XPO1: variants seen among roughly 807,000 people sequenced by gnomAD.
XPO1 encodes exportin 1.
Under a neutral mutation model 133.3 loss-of-function variants are expected in XPO1, and 5 were observed. That is an observed-to-expected ratio of 0.04 (90% CI 0.02 to 0.08). The LOEUF (loss-of-function observed/expected upper bound fraction) is 0.08. XPO1 is among the 10% of genes least tolerant of loss of function. The pLI, the probability that XPO1 is intolerant of heterozygous loss-of-function variation, is 1.00. For missense variants in XPO1, 506 were observed against 1,267.5 expected (o/e 0.40, Z 9.12); for synonymous variants, 419 against 408.2 (o/e 1.03, Z -0.32).
At chr2:61,496,322 T>C (rs1189895767) in intron 10 of XPO1, among the ~76,000 whole-genome samples, 3 of 152,154 alleles carry the variant, frequency 2.0e-5, no homozygotes, top group African/African-American at 4.8e-5. Context: ...AGCGATCCTA[T>C]TGCCTCAGCC....
chr2:61,518,668 C>T lies in XPO1; in HGVS notation c.301+3943G>A, dbSNP rs187462181. ...CAAAAAAAAACCAAAGAAAAAAAGA[C>T]ACTCTGAGCCCCAATATCAAGGAGC... On this transcript the variant is annotated intron_variant, in intron 4 of 24. Coordinates refer to ENST00000401558, the MANE Select transcript of XPO1 (RefSeq NM_003400.4). Among the ~76,000 whole-genome samples, 79 of 151,920 alleles carry T rather than the reference C, an allele frequency of 5.2e-4. No individual in the cohort carries two copies. The East Asian group carries it at 0.013, about 25-fold the overall frequency.
chr2:61,483,672 C>G (rs1283384025), intron 21 of XPO1: 2 of 336,790 alleles, frequency 5.9e-6, no homozygotes, highest in African/African-American at 2.2e-5. Flanking sequence ...ATATGAACTT[C>G]TACAACATCA....
intron 4 of XPO1, among the ~76,000 whole-genome samples, chr2:61,509,396 G>A (rs982250278): frequency 1.3e-5 from 2 of 152,102 alleles, no homozygotes; most frequent in African/African-American, 4.8e-5. Context: ...CCAACACAAG[G>A]CGGGCGGCTC....
chr2:61,488,552 TTATACTGCATTGTGTAAGAAATCAGAA>T lies in XPO1; in HGVS notation c.2206+9_2206+35del. The T allele has an allele frequency of 6.3e-7, 1 of 1,589,540 alleles. No individual in the cohort carries two copies. Among genetic ancestry groups the T allele is most frequent in the Non-Finnish European group, 8.6e-7 (1 of 1,166,106 alleles). On this transcript the variant is annotated intron_variant, in intron 18 of 24. Transcript: ENST00000401558. The stretch of plus-strand genomic sequence containing the variant: ...AGGCAGTAGAAGAGAAGTGGTTTGT[TTATACTGCATTGTGTAAGAAATCAGAA>T]TCACCTACCATTAGCTTGGATAGCT...
intron 19 of XPO1, among the ~76,000 whole-genome samples, chr2:61,487,761 T>G (rs1325762964): frequency 1.3e-5 from 2 of 152,184 alleles, no homozygotes; most frequent in African/African-American, 4.8e-5. Flanking sequence ...AAAAAGACTT[T>G]CAGGCCTTTA....
In XPO1 at chr2:61,499,822, C is replaced by T; in HGVS notation, c.481G>A (p.Glu161Lys). ...ACCATATTATTTTGACAGAGACTTTCGCTGGTCCTACTTGCTCCAACAATA... is the reference window on the plus strand; with the variant it reads ...ACCATATTATTTTGACAGAGACTTTTGCTGGTCCTACTTGCTCCAACAATA... ...SDIVGASRTS[E>K]SLCQNNMVIL... Residue 161 changes from glutamate (E) to lysine (K), a missense_variant, in exon 7 of 25, where the codon GAA becomes AAA. Around this residue, in one of 6 missense-constraint regions of XPO1, gnomAD observed 68 missense variants for 210.5 expected, o/e 0.32. Transcript: ENST00000401558. The T allele has an allele frequency of 6.2e-7, 1 of 1,613,282 alleles. No individual in the cohort carries two copies. Among genetic ancestry groups the T allele is most frequent in the Non-Finnish European group, 8.5e-7 (1 of 1,179,842 alleles).
At chr2:61,523,247 T>C (rs531470516) in intron 3 of XPO1, among the ~76,000 whole-genome samples, 1 of 152,230 alleles carries the variant, frequency 6.6e-6, no homozygotes, top group Non-Finnish European at 1.5e-5. Flanking sequence ...ACCCCACCCT[T>C]ATAGTTGCTA....
rs1491506588 is a variant in XPO1 at position 61,482,033 on chromosome 2, C to CTTTTTTTTTTTTT, written c.2972+346_2972+347insAAAAAAAAAAAAA. ...TACAGTCATGAGCCACCGTGCGTGG[C>CTTTTTTTTTTTTT]CTTTTTTTTTTTTTTTTTTTTTTTG... On this transcript the variant is annotated intron_variant, in intron 23 of 24. Transcript: ENST00000401558. 4.6e-3 allele frequency among the ~76,000 whole-genome samples: 395 copies of CTTTTTTTTTTTTT among 86,788 alleles called. 84 individuals are homozygous for CTTTTTTTTTTTTT. The highest frequency in any genetic ancestry group is 0.017 in the Middle Eastern group (2 of 120). The allele number at this position is 86,788 out of a possible 152,430, so 56.9% of individuals were successfully genotyped here.
intron 9 of XPO1, among the ~76,000 whole-genome samples, chr2:61,498,023 A>G (rs986431450): frequency 7.9e-5 from 12 of 152,264 alleles, no homozygotes; most frequent in African/African-American, 2.2e-4. Flanking sequence ...TTTATTCATT[A>G]TATCAGTCAA....
intron 4 of XPO1, among the ~76,000 whole-genome samples, chr2:61,519,794 A>G (rs1176608986): frequency 6.6e-6 from 1 of 152,120 alleles, no homozygotes; most frequent in African/African-American, 2.4e-5. Context: ...CATCAGAAAA[A>G]AAATGCAGGA....
Position 61,492,298 on chromosome 2 carries a change from C to A in XPO1, c.1723+27G>T, listed in dbSNP as rs1258574172. ...TTATTTTCTTCAATAAAAATAAAAG[C>A]AAAATATAGTAAAGAAAGAGATTTA... On this transcript the variant is annotated intron_variant, in intron 15 of 24. Coordinates refer to ENST00000401558, the MANE Select transcript of XPO1 (RefSeq NM_003400.4). This position sits in a 1 kb window ranked among gnomAD's most constrained non-coding sequence, Gnocchi z 5.6. 6.3e-7 allele frequency: 1 copy of A among 1,581,382 alleles called. No homozygotes were observed. The highest frequency in any genetic ancestry group is 2.0e-5 in the Admixed American group (1 of 50,606).
intron 4 of XPO1, among the ~76,000 whole-genome samples, chr2:61,509,886 C>T (rs1179987668): frequency 2.6e-5 from 4 of 152,276 alleles, no homozygotes; most frequent in African/African-American, 9.6e-5. Context: ...TCAGTTTAAA[C>T]ATTTATTTAT....
rs753193208 is a variant in XPO1 at position 61,492,734 on chromosome 2, G to C, written c.1399C>G (p.Leu467Val). ...MRETLVYLTH[L>V]DYVDTERIMT... ...ATTCTTTCTGTATCTACATAATCCAGATGAGTAAGATAAACTACAAAGAAA... is the reference window on the plus strand; with the variant it reads ...ATTCTTTCTGTATCTACATAATCCACATGAGTAAGATAAACTACAAAGAAA... The change falls in exon 14 of 25, where the codon CTG (leucine) becomes GTG (valine). Residue 467 changes from leucine to valine, a missense_variant. This residue lies in a region of XPO1 where 21 missense variants were observed against 198.1 expected (regional missense o/e 0.11). Coordinates refer to ENST00000401558, the MANE Select transcript of XPO1 (RefSeq NM_003400.4). This position sits in a 1 kb window ranked among gnomAD's most constrained non-coding sequence, Gnocchi z 5.6. 1 of 1,611,846 alleles carries C rather than the reference G, an allele frequency of 6.2e-7. No individual in the cohort carries two copies. Among genetic ancestry groups the C allele is most frequent in the African/African-American group, 1.3e-5 (1 of 74,956 alleles).
chr2:61,522,017 C>A (rs371989905), intron 4 of XPO1, among the ~76,000 whole-genome samples: 1 of 152,136 alleles, frequency 6.6e-6, no homozygotes, highest in Admixed American at 6.6e-5. Context: ...TTCAGCCTCA[C>A]GAAGTCCTGG....
rs1696143566 is a variant in XPO1 at position 61,478,001 on chromosome 2, T to C, written c.*819A>G. On this transcript the variant is annotated 3_prime_UTR_variant, in exon 25 of 25. Transcript: ENST00000401558. ...TAAAGCACTACAGCTTGGTAAACAATGTAAATTAGTATAAGTCATCTCAAA... is the reference window on the plus strand; with the variant it reads ...TAAAGCACTACAGCTTGGTAAACAACGTAAATTAGTATAAGTCATCTCAAA... 2 of 232,114 alleles carry C rather than the reference T, an allele frequency of 8.6e-6. No individual in the cohort carries two copies. The highest frequency in any genetic ancestry group is 1.7e-5 in the Non-Finnish European group (2 of 117,126). 14.4% of individuals were successfully genotyped at this position (232,114 alleles called of 1,614,324 possible). A position where few individuals can be genotyped will look rare whatever the true frequency, so the allele number is the denominator to read the frequency against.
chr2:61,526,357 C>A, intron 3 of XPO1, 63 bp downstream of exon 3: 2 of 1,542,780 alleles, frequency 1.3e-6, no homozygotes, highest in African/African-American at 1.4e-5. Flanking sequence ...AATGAGATAC[C>A]TTCCTCAAAG....
chr2:61,479,051 G>C (rs1466316305), intron 24 of XPO1, 85 bp from the exon 25 acceptor site: 44 of 1,459,616 alleles, frequency 3.0e-5, no homozygotes, highest in Non-Finnish European at 3.4e-5. Flanking sequence ...TTCCTTTTTA[G>C]AGAAGGAAGG....
Position 61,538,204 on chromosome 2 carries a change from T to C in XPO1, c.-649A>G, listed in dbSNP as rs762067276. 1.1e-4 allele frequency: 23 copies of C among 208,626 alleles called. No homozygotes were observed. The highest frequency in any genetic ancestry group is 2.0e-4 in the Non-Finnish European group (21 of 103,488). The allele number at this position is 208,626 out of a possible 1,614,324, so 12.9% of individuals were successfully genotyped here. On this transcript the variant is annotated 5_prime_UTR_variant, in exon 1 of 25. Transcript: ENST00000401558. ...TAGCTACTGTTGCTCTTGCTGATGC[T>C]GTAGCTCCCGCTGCTCCTGCCGCGG...
chr2:61,512,059 G>A (rs530223384), intron 4 of XPO1, among the ~76,000 whole-genome samples: 3 of 152,024 alleles, frequency 2.0e-5, no homozygotes, highest in Admixed American at 1.3e-4. Flanking sequence ...GTGAGACATC[G>A]CACCAGGCAT....
Sources: allele counts gnomAD v4.1 joint callset (sites outside exome capture counted in the v4.1 genomes callset), GRCh38; gene constraint gnomAD v4.1.1; regional missense constraint gnomAD v4.1.1; non-coding constraint Gnocchi (gnomAD v3.1); transcripts MANE v1.5; gene names NCBI Gene and HGNC (gene_info 2026-07-23, HGNC 2026-07-21).